Variants in SYCP2L observed in about 807,000 individuals in gnomAD.
SYCP2L encodes synaptonemal complex protein 2-like.
SYCP2L carries 98 observed loss-of-function variants against 125.8 expected under a neutral mutation model. The ratio of observed to expected loss-of-function variants is 0.78; its 90% confidence interval spans 0.66 to 0.92. The LOEUF (loss-of-function observed/expected upper bound fraction) is 0.92, where lower values mean the gene tolerates loss of function less well. Among genes scored for constraint, SYCP2L ranks in the 40% least tolerant of loss-of-function variants. The pLI is 0.00. For synonymous variants in SYCP2L, 317 were observed against 325.4 expected (o/e 0.97, Z 0.28); for missense variants, 842 against 936.4 (o/e 0.90, Z 1.32).
At chr6:10,958,991 T>C (rs567286918) in intron 26 of SYCP2L, 116 bp downstream of exon 26, 65 of 816,830 alleles carry the variant, frequency 8.0e-5, no homozygotes, top group Non-Finnish European at 1.1e-4. Flanking sequence ...GATGTGAGGA[T>C]TGATACATCA....
At chr6:10,955,257 G>A (rs1781483039) in intron 24 of SYCP2L, 40 bp downstream of exon 24, 2 of 1,275,004 alleles carry the variant, frequency 1.6e-6, no homozygotes, top group Non-Finnish European at 2.3e-6. Flanking sequence ...AGTAGGAGTG[G>A]GATAAATGGG....
intron 29 of SYCP2L, among the ~76,000 whole-genome samples, chr6:10,965,632 T>C (rs1781664458): frequency 6.6e-6 from 1 of 152,212 alleles, no homozygotes; most frequent in Non-Finnish European, 1.5e-5. Context: ...TACAAATATG[T>C]GTATGATCCA....
chr6:10,911,738 C>T (rs980069362), intron 12 of SYCP2L, among the ~76,000 whole-genome samples: 1 of 152,008 alleles, frequency 6.6e-6, no homozygotes, highest in African/African-American at 2.4e-5. Context: ...CTTCCAGGAA[C>T]ATGTATTGTG....
chr6:10,887,470 G>T (rs1007973033), intron 1 of SYCP2L, among the ~76,000 whole-genome samples: 2 of 152,134 alleles, frequency 1.3e-5, no homozygotes, highest in Admixed American at 6.5e-5. Flanking sequence ...ACCTTGCTGC[G>T]TAGAAAGTGC....
chr6:10,894,089 T>C lies in SYCP2L; in HGVS notation c.221T>C (p.Leu74Pro). 6.2e-7 allele frequency: 1 copy of C among 1,611,356 alleles called. No homozygotes were observed. Among genetic ancestry groups the C allele is most frequent in the Non-Finnish European group, 8.5e-7 (1 of 1,179,420 alleles). Residue 74 changes from leucine to proline, a missense_variant, in exon 4 of 30, where the codon CTA becomes CCA. Transcript: ENST00000283141. ...CTTAGTGTGGTTTATACCTAGGAAC[T>C]AGATAAAAATGAATTTCAGTCTGTG... ...YRLDRSINKE[L>P]DKNEFQSVSL...
chr6:10,917,776 T>C (rs919334647), intron 14 of SYCP2L, among the ~76,000 whole-genome samples: 30 of 152,186 alleles, frequency 2.0e-4, no homozygotes, highest in South Asian at 2.1e-4. Flanking sequence ...GAGGTTCTGT[T>C]TTGATGTGTT....
chr6:10,899,425 G>A (rs1470940949), intron 6 of SYCP2L, among the ~76,000 whole-genome samples: 1 of 152,090 alleles, frequency 6.6e-6, no homozygotes, highest in East Asian at 1.9e-4. Context: ...GCCTGCACCT[G>A]TAGTCCCAGC....
intron 23 of SYCP2L, among the ~76,000 whole-genome samples, chr6:10,953,613 T>C (rs1296934932): frequency 6.6e-6 from 1 of 152,206 alleles, no homozygotes; most frequent in Non-Finnish European, 1.5e-5. Flanking sequence ...GGAGCTTGGG[T>C]ATTCTGCAGC....
intron 23 of SYCP2L, among the ~76,000 whole-genome samples, chr6:10,943,175 AT>A (rs1406736522): frequency 6.6e-6 from 1 of 152,224 alleles, no homozygotes; most frequent in Non-Finnish European, 1.5e-5. Flanking sequence ...TCATTTACTC[AT>A]GTTAACAGTG....
chr6:10,960,538 A>G (rs1781576248), intron 26 of SYCP2L, among the ~76,000 whole-genome samples: 1 of 152,240 alleles, frequency 6.6e-6, no homozygotes, highest in Non-Finnish European at 1.5e-5. Flanking sequence ...TTAACAAATA[A>G]GCAAATATGA....
chr6:10,896,775 G>A (rs752902515), intron 4 of SYCP2L, among the ~76,000 whole-genome samples: 1 of 152,208 alleles, frequency 6.6e-6, no homozygotes, highest in African/African-American at 2.4e-5. Flanking sequence ...TCAGGTGGGG[G>A]TGTATCACCA....
chr6:10,891,633 G>GTA, intron 2 of SYCP2L, 52 bp downstream of exon 2: 2 of 625,208 alleles, frequency 3.2e-6, no homozygotes, highest in East Asian at 2.8e-5. Flanking sequence ...GTGTGTGTGT[G>GTA]TGTGTGTGTG....
chr6:10,907,229 A>G (rs1780513783), intron 9 of SYCP2L, among the ~76,000 whole-genome samples: 1 of 152,074 alleles, frequency 6.6e-6, no homozygotes. Context: ...CTGTAATCCC[A>G]GCTTCTTGGG....
rs1168719236 is a variant in SYCP2L at position 10,966,040 on chromosome 6, G to A, written c.*37+2197G>A. ...AGGCAGGAGAATTGCTTGAACCCAG[G>A]AGGCAGAGGTTGCAGTGGGCTGAAG... On this transcript the variant is annotated intron_variant, in intron 29 of 29. Coordinates refer to ENST00000283141, the MANE Select transcript of SYCP2L (RefSeq NM_001040274.3). Among the ~76,000 whole-genome samples, 3 of 152,274 alleles carry A rather than the reference G, an allele frequency of 2.0e-5. No individual in the cohort carries two copies. The East Asian group carries it at 5.8e-4, about 29-fold the overall frequency.
At chr6:10,945,567 C>G (rs1443688296) in intron 23 of SYCP2L, among the ~76,000 whole-genome samples, 4 of 152,010 alleles carry the variant, frequency 2.6e-5, no homozygotes, top group Admixed American at 2.6e-4. Flanking sequence ...GTCAGGAGTT[C>G]AAGACCAGCC....
intron 14 of SYCP2L, among the ~76,000 whole-genome samples, chr6:10,921,459 G>GCCTTCCACAATGGTTGA (rs1298293413): frequency 6.6e-6 from 1 of 152,150 alleles, no homozygotes; most frequent in Non-Finnish European, 1.5e-5. Context: ...TCACCACACT[G>GCCTTCCACAATGGTTGA]CCTTCCACAA....
chr6:10,927,429 A>G (rs1380259716), intron 17 of SYCP2L, 62 bp downstream of exon 17: 4 of 1,400,710 alleles, frequency 2.9e-6, no homozygotes, highest in Non-Finnish European at 4.0e-6. Context: ...GACGGACTAC[A>G]AAAGAGAGAA....
intron 6 of SYCP2L, among the ~76,000 whole-genome samples, chr6:10,902,382 G>A (rs562229418): frequency 3.0e-4 from 45 of 152,276 alleles, no homozygotes; most frequent in African/African-American, 7.9e-4. Flanking sequence ...AGTTGAAAAA[G>A]TCTGCTGTAA....
chr6:10,911,894 C>CTTTCTTT (rs377600077), intron 12 of SYCP2L, among the ~76,000 whole-genome samples: 11,816 of 49,454 alleles, frequency 0.24, 2,987 homozygotes, highest in Middle Eastern at 0.35. Flanking sequence ...GGAATAAAAG[C>CTTTCTTT]TTTTTTTTTT....
Sources: gnomAD v4.1 joint callset for allele counts (sites outside exome capture counted in the v4.1 genomes callset) on GRCh38, gnomAD v4.1.1 for gene constraint, MANE v1.5 for transcripts, NCBI Gene and HGNC (gene_info 2026-07-23, HGNC 2026-07-21) for gene names.